TRAP1: variants seen among roughly 807,000 people sequenced by gnomAD.
TRAP1 encodes the protein heat shock protein 75 kDa, mitochondrial.
Under a neutral mutation model 89.1 loss-of-function variants are expected in TRAP1, and 102 were observed. The observed-to-expected ratio is 1.15, with a 90% CI of 0.98 to 1.35. TRAP1 has a LOEUF of 1.35. Ranked by LOEUF, TRAP1 falls within the 40% of genes most tolerant of loss-of-function variation. TRAP1 has a pLI of 0.00. For missense variants in TRAP1, 1,256 were observed against 945.3 expected (o/e 1.33, Z -4.31); for synonymous variants, 508 against 388.0 (o/e 1.31, Z -3.64).
At chr16:3,688,959 C>T (rs1244433972) in intron 3 of TRAP1, 96 bp downstream of exon 3, 30 of 1,142,878 alleles carry the variant, frequency 2.6e-5, no homozygotes, top group East Asian at 1.5e-4. Context: ...TTTCTCACAG[C>T]TAATATATTA....
chr16:3,700,477 G>C (rs1163199464), intron 1 of TRAP1, among the ~76,000 whole-genome samples: 1 of 146,134 alleles, frequency 6.8e-6, no homozygotes, highest in Non-Finnish European at 1.5e-5. Context: ...TTTTTTGTTT[G>C]TTTGTTTGAG....
chr16:3,665,013 CAGAA>C (rs1478585094), intron 12 of TRAP1: 2 of 154,032 alleles, frequency 1.3e-5, no homozygotes, highest in African/African-American at 2.4e-5. Context: ...AGGGGGAAAA[CAGAA>C]AGAGGGAAAA....
intron 1 of TRAP1, among the ~76,000 whole-genome samples, chr16:3,699,990 GA>G (rs1378031653): frequency 3.3e-5 from 5 of 151,738 alleles, no homozygotes; most frequent in African/African-American, 1.2e-4. Context: ...CTGCTCATTT[GA>G]AACTGCTGCT....
At chr16:3,675,866 A>G (rs1466228230) in intron 7 of TRAP1, among the ~76,000 whole-genome samples, 170 bp downstream of exon 7, 1 of 152,174 alleles carries the variant, frequency 6.6e-6, no homozygotes, top group Non-Finnish European at 1.5e-5. Flanking sequence ...GCTCGATGCT[A>G]CGCAGCCCTG....
At chr16:3,698,318 C>A (rs1424699774) in intron 1 of TRAP1, among the ~76,000 whole-genome samples, 1 of 141,682 alleles carries the variant, frequency 7.1e-6, no homozygotes, top group Non-Finnish European at 1.6e-5. Flanking sequence ...TCCACAACAA[C>A]TTTTTTTTTT....
At chr16:3,669,111 G>C (rs1308060346) in intron 11 of TRAP1, among the ~76,000 whole-genome samples, 1 of 152,200 alleles carries the variant, frequency 6.6e-6, no homozygotes, top group Non-Finnish European at 1.5e-5. Flanking sequence ...GATGGGGATG[G>C]ACAAGGTGGG....
Position 3,672,162 on chromosome 16 carries a change from C to T in TRAP1, c.1166-371G>A, listed in dbSNP as rs563371780. 2.0e-5 allele frequency among the ~76,000 whole-genome samples: 3 copies of T among 152,170 alleles called. No homozygotes were observed. In the East Asian group the frequency reaches 5.8e-4, roughly 29 times the overall value. On this transcript the variant is annotated intron_variant, in intron 10 of 17. Transcript: ENST00000246957. ...ACCAGCCCGGCAATTATGGTGAAAC[C>T]CCATCTCTACTAAAAATACAAAAAT...
chr16:3,693,065 G>A (rs1289277460), intron 1 of TRAP1, among the ~76,000 whole-genome samples: 3 of 151,902 alleles, frequency 2.0e-5, no homozygotes, highest in African/African-American at 7.3e-5. Flanking sequence ...CGATTCTCCT[G>A]TCTCAGCCTC....
At chr16:3,705,316 G>A (rs555434565) in intron 1 of TRAP1, among the ~76,000 whole-genome samples, 34 of 152,046 alleles carry the variant, frequency 2.2e-4, no homozygotes, top group African/African-American at 6.3e-4. Flanking sequence ...TGATCCGCCC[G>A]CATCGGCCTC....
intron 4 of TRAP1, among the ~76,000 whole-genome samples, chr16:3,684,249 A>G (rs967170015): frequency 6.6e-6 from 1 of 152,196 alleles, no homozygotes; most frequent in African/African-American, 2.4e-5. Flanking sequence ...GAAAAAGATG[A>G]TTTTGCCACC....
In TRAP1 at chr16:3,677,685, G is replaced by A. The variant is rs185643580; in HGVS notation, c.544-27C>T. 2.8e-4 allele frequency: 445 copies of A among 1,606,168 alleles called. 4 individuals carry two copies. In the East Asian group the frequency reaches 7.2e-3, roughly 26 times the overall value. On this transcript the variant is annotated intron_variant, in intron 5 of 17. Coordinates refer to ENST00000246957, the MANE Select transcript of TRAP1 (RefSeq NM_016292.3). ...TGTGGGGCAGAGGCCAGTTAGTGAG[G>A]CAGCCTCCCCTCCAGAGAGCAGACA...
chr16:3,671,870 G>C (rs878895556), intron 10 of TRAP1, 79 bp from the exon 11 acceptor site: 23 of 1,473,672 alleles, frequency 1.6e-5, no homozygotes, highest in Non-Finnish European at 2.2e-5. Flanking sequence ...CCTGCCCTTT[G>C]TCTTCAGGCC....
Position 3,658,110 on chromosome 16 carries a change from C to A in TRAP1, c.*19G>T. On this transcript the variant is annotated 3_prime_UTR_variant, in exon 18 of 18. Transcript: ENST00000246957. ...TGGGGCTGTCATCTGTGGTGTCAGTCCTTCTGGCCCCCTGGCTGTCAGTGT... is the reference window on the plus strand; with the variant it reads ...TGGGGCTGTCATCTGTGGTGTCAGTACTTCTGGCCCCCTGGCTGTCAGTGT... 1 of 1,613,064 alleles carries A rather than the reference C, an allele frequency of 6.2e-7. No homozygotes were observed. Among genetic ancestry groups the A allele is most frequent in the Non-Finnish European group, 8.5e-7 (1 of 1,179,174 alleles).
At chr16:3,711,467 T>C (rs902930504) in intron 1 of TRAP1, among the ~76,000 whole-genome samples, 1 of 151,948 alleles carries the variant, frequency 6.6e-6, no homozygotes, top group African/African-American at 2.4e-5. Flanking sequence ...GGCACGGTAG[T>C]GCATGCCTGT....
chr16:3,662,710 C>T (rs777642592), intron 15 of TRAP1, 172 bp downstream of exon 15: 3 of 708,830 alleles, frequency 4.2e-6, no homozygotes, highest in Non-Finnish European at 5.1e-6. Flanking sequence ...GCCTCAGCGG[C>T]ACTCCCGAGC....
rs1027660082 is a variant in TRAP1 at position 3,699,608 on chromosome 16, G to A, written c.89-8623C>T. 2.4e-5 allele frequency among the ~76,000 whole-genome samples: 3 copies of A among 123,074 alleles called. No homozygotes were observed. The Admixed American group carries it at 3.1e-4, about 13-fold the overall frequency. 80.7% of individuals were successfully genotyped at this position (123,074 alleles called of 152,430 possible). A position where few individuals can be genotyped will look rare whatever the true frequency, so the allele number is the denominator to read the frequency against. ...GCCATTGCACTCCAGCAGCCTGGGT[G>A]ACAAGAGTGAAACTCCGTCTCAAAA... On this transcript the variant is annotated intron_variant, in intron 1 of 17. Transcript: ENST00000246957.
In TRAP1 at chr16:3,662,011, T is replaced by C. The variant is rs909375484; in HGVS notation, c.1916A>G (p.Gln639Arg). ...KTQEERAQLL[Q>R]PTLEINPRHA... ...CCTGGGGTTGATCTCCAGCGTGGGC[T>C]GCAGGAGCTGTGCGCGCTCCTCCTG... The change falls in exon 16 of 18, where the codon CAG becomes CGG. Residue 639 changes from glutamine (Q) to arginine (R), a missense_variant. By Grantham distance (43) the Gln-to-Arg change is conservative. Coordinates refer to ENST00000246957, the MANE Select transcript of TRAP1 (RefSeq NM_016292.3). The C allele has an allele frequency of 3.1e-6, 5 of 1,611,168 alleles. No homozygotes were observed. In the African/African-American group the frequency reaches 6.7e-5, roughly 22 times the overall value.
rs145077996 is a variant in TRAP1 at position 3,658,217 on chromosome 16, G to A, written c.2027C>T (p.Ala676Val). 48 of 1,613,770 alleles carry A rather than the reference G, an allele frequency of 3.0e-5. No homozygotes were observed. The highest frequency in any genetic ancestry group is 4.0e-5 in the Non-Finnish European group (47 of 1,179,934). The change falls in exon 18 of 18, where the codon GCC becomes GTC. Residue 676 changes from alanine to valine, a missense_variant. Ala to Val is a moderately conservative substitution (Grantham distance 64). Coordinates refer to ENST00000246957, the MANE Select transcript of TRAP1 (RefSeq NM_016292.3). The stretch of plus-strand genomic sequence containing the variant: ...GTCAACAAGTCCAGCAGCAATCATG[G>A]CGTTCTCGTATATCTGAAAGGCAAG... The part of the protein sequence containing the change: ...QLLVDQIYEN[A>V]MIAAGLVDDP...
intron 5 of TRAP1, 85 bp downstream of exon 5, chr16:3,679,634 A>T: frequency 7.2e-7 from 1 of 1,384,816 alleles, no homozygotes; most frequent in Non-Finnish European, 1.0e-6. Flanking sequence ...GTTCTTACTT[A>T]ATCTGGCACC....
Sources: allele counts gnomAD v4.1 joint callset (sites outside exome capture counted in the v4.1 genomes callset), GRCh38; gene constraint gnomAD v4.1.1; transcripts MANE v1.5; gene names NCBI Gene and HGNC (gene_info 2026-07-23, HGNC 2026-07-21).